Variants in UGT2B11 observed in about 807,000 individuals in gnomAD.
UGT2B11 encodes UDP-glucuronosyltransferase 2B11.
Under a neutral mutation model 51.7 loss-of-function variants are expected in UGT2B11, and 49 were observed. The observed-to-expected ratio is 0.95, with a 90% CI of 0.75 to 1.20. UGT2B11 has a LOEUF of 1.20. UGT2B11 is among the 50% of genes most tolerant of loss of function. The pLI is 0.00. For synonymous variants in UGT2B11, 273 were observed against 209.0 expected (o/e 1.31, Z -2.64); for missense variants, 810 against 622.1 (o/e 1.30, Z -3.21).
chr4:69,211,078 T>G, intron 2 of UGT2B11: 1 of 151,602 alleles, frequency 6.6e-6, no homozygotes, highest in East Asian at 1.9e-4. Context: ...ACCTATGATG[T>G]TGAGACAAGT....
At chr4:69,208,020 C>A (rs1284801689) in intron 3 of UGT2B11, among the ~76,000 whole-genome samples, 2 of 151,600 alleles carry the variant, frequency 1.3e-5, no homozygotes, top group African/African-American at 4.8e-5. Context: ...CAGTTAATTT[C>A]AGCAGTATGT....
chr4:69,213,462 A>G (rs1422066976), intron 1 of UGT2B11, among the ~76,000 whole-genome samples: 3 of 151,888 alleles, frequency 2.0e-5, no homozygotes, highest in African/African-American at 4.8e-5. Context: ...GTATAGAAAT[A>G]TTAGAAACTT....
rs377302567 is a variant in UGT2B11, at chr4:69,200,308, G to GA, written c.*131dup. On this transcript the variant is annotated 3_prime_UTR_variant, in exon 6 of 6. Coordinates refer to ENST00000446444, the MANE Select transcript of UGT2B11 (RefSeq NM_001073.3). The stretch of plus-strand genomic sequence containing the variant: ...AATTTTTACTTGACAAGGTAGATTT[G>GA]AAAATTTTTTTTTTTTTTTTTTTTT... 4.8e-6 allele frequency: 5 copies of GA among 1,045,472 alleles called. No individual in the cohort carries two copies. The highest frequency in any genetic ancestry group is 4.3e-5 in the Admixed American group (1 of 23,218). 64.8% of individuals were successfully genotyped at this position (1,045,472 alleles called of 1,614,324 possible).
chr4:69,208,303 A>G (rs1184015481), intron 3 of UGT2B11, 48 bp downstream of exon 3: 2 of 1,604,280 alleles, frequency 1.2e-6, no homozygotes, highest in East Asian at 2.2e-5. Flanking sequence ...ACAAACATTA[A>G]CAGCCTCTTT....
At position 69,214,497 on chromosome 4, in the gene UGT2B11, C is replaced by G; in HGVS notation, c.226G>C (p.Val76Leu). The change falls in exon 1 of 6, where the codon GTT (valine) becomes CTT (leucine). Residue 76 changes from valine to leucine, a missense_variant. Physicochemically the swap from Val to Leu is conservative, Grantham distance 32. Coordinates refer to ENST00000446444, the MANE Select transcript of UGT2B11 (RefSeq NM_001073.3). Reference protein sequence around the residue: ...PNDASTLKFEVYPTSLTKTEF... With the variant: ...PNDASTLKFELYPTSLTKTEF... ...GTTTTAGTTAAAGATGTAGGATAAA[C>G]TTCAAATTTAAGAGTGGATGCATCA... 1 of 1,613,100 alleles carries G rather than the reference C, an allele frequency of 6.2e-7. No individual in the cohort carries two copies. Among genetic ancestry groups the G allele is most frequent in the Non-Finnish European group, 8.5e-7 (1 of 1,179,488 alleles).
At chr4:69,209,954 TA>T (rs1297475944) in intron 2 of UGT2B11, among the ~76,000 whole-genome samples, 2 of 151,654 alleles carry the variant, frequency 1.3e-5, no homozygotes, top group African/African-American at 4.8e-5. Flanking sequence ...ATAATTTTTC[TA>T]AAATTTCTAC....
intron 2 of UGT2B11, 94 bp downstream of exon 2, chr4:69,212,479 T>C: frequency 1.3e-6 from 2 of 1,548,310 alleles, no homozygotes; most frequent in Non-Finnish European, 1.7e-6. Flanking sequence ...CATCTTTCTT[T>C]CAGTGTAAGT....
the UGT2B11 span, among the ~76,000 whole-genome samples, chr4:69,224,215 G>A: frequency 4.4e-3 from 670 of 152,234 alleles, 5 homozygotes; most frequent in African/African-American, 0.015. Context: ...AAGAAGTCTG[G>A]CCGGCGGACA....
chr4:69,220,908 A>G, the UGT2B11 span, among the ~76,000 whole-genome samples: 1 of 152,132 alleles, frequency 6.6e-6, no homozygotes, highest in Non-Finnish European at 1.5e-5. Context: ...TAGGGTCACT[A>G]GAGAGTCGGT....
rs781647440 is a variant in UGT2B11 at position 69,212,554 on chromosome 4, C to A, written c.870+19G>T. 40 of 1,595,518 alleles carry A rather than the reference C, an allele frequency of 2.5e-5. No homozygotes were observed. The East Asian group carries it at 9.0e-4, about 36-fold the overall frequency. ...AAACTTCGAAGCCAACAAAATAAAA[C>A]CAACAAAAGTATGTTTACCTTAGGT... is the stretch of plus-strand genomic sequence containing the variant. On this transcript the variant is annotated intron_variant, in intron 2 of 5. Coordinates refer to ENST00000446444, the MANE Select transcript of UGT2B11 (RefSeq NM_001073.3).
chr4:69,204,456 T>A lies in UGT2B11; in HGVS notation c.1284A>T (p.Ala428=). 3 of 1,611,958 alleles carry A rather than the reference T, an allele frequency of 1.9e-6. No individual in the cohort carries two copies. Among genetic ancestry groups the A allele is most frequent in the Non-Finnish European group, 2.5e-6 (3 of 1,178,616 alleles). ...AAGGATCATTAATTACTGTCTTCAGTGCATTCAGCAGGTCTGTACTCGACA... is the reference window on the plus strand; with the variant it reads ...AAGGATCATTAATTACTGTCTTCAGAGCATTCAGCAGGTCTGTACTCGACA... ...NTMSSTDLLN[A]LKTVINDPLY... The change falls in exon 5 of 6, where the codon GCA becomes GCT. Residue 428 remains alanine (A), a synonymous_variant. Transcript: ENST00000446444.
chr4:69,219,198 C>T (rs1278782775), upstream of UGT2B11, among the ~76,000 whole-genome samples: 1 of 152,002 alleles, frequency 6.6e-6, no homozygotes, highest in Non-Finnish European at 1.5e-5. Context: ...CACTTCCTGA[C>T]TGCATCTAGT....
At chr4:69,217,968 G>A (rs183590559), upstream of UGT2B11, among the ~76,000 whole-genome samples, 2 of 152,198 alleles carry the variant, frequency 1.3e-5, no homozygotes, top group Admixed American at 6.5e-5. Flanking sequence ...TTCCACTAAT[G>A]AGGACTCTGC....
At chr4:69,208,524 C>A (rs760717568) in intron 2 of UGT2B11, 42 bp from the exon 3 acceptor site, 18 of 1,598,238 alleles carry the variant, frequency 1.1e-5, no homozygotes, top group Non-Finnish European at 1.4e-5. Flanking sequence ...AGTATCACCA[C>A]AGCAGGCACT....
chr4:69,223,355 C>A, the UGT2B11 span, among the ~76,000 whole-genome samples: 1 of 152,146 alleles, frequency 6.6e-6, no homozygotes, highest in Non-Finnish European at 1.5e-5. Flanking sequence ...TCTCTTAGGG[C>A]GTCCCCCACA....
chr4:69,211,373 A>G (rs924447026), intron 2 of UGT2B11, among the ~76,000 whole-genome samples: 10 of 151,496 alleles, frequency 6.6e-5, no homozygotes, highest in African/African-American at 2.2e-4. Flanking sequence ...ATTGGTATGT[A>G]TAATTTTAAT....
chr4:69,223,112 G>T, the UGT2B11 span, among the ~76,000 whole-genome samples: 2 of 152,162 alleles, frequency 1.3e-5, no homozygotes, highest in African/African-American at 4.8e-5. Context: ...TCTAGTTGTA[G>T]AAATGTGTTA....
chr4:69,211,755 G>C (rs1722072592), intron 2 of UGT2B11, among the ~76,000 whole-genome samples: 1 of 151,488 alleles, frequency 6.6e-6, no homozygotes, highest in Non-Finnish European at 1.5e-5. Context: ...GCTCTTTACA[G>C]TGTGGCCCTT....
chr4:69,215,379 T>C (rs1487449129), upstream of UGT2B11: 1 of 151,922 alleles, frequency 6.6e-6, no homozygotes, highest in Non-Finnish European at 1.5e-5. Flanking sequence ...CGGAACAATA[T>C]AGTATGTGGT....
Sources: allele counts gnomAD v4.1 joint callset (sites outside exome capture counted in the v4.1 genomes callset), GRCh38; gene constraint gnomAD v4.1.1; transcripts MANE v1.5; gene names NCBI Gene and HGNC (gene_info 2026-07-23, HGNC 2026-07-21).